Variants in DLC1 observed in about 807,000 individuals in gnomAD.
DLC1 encodes the protein DLC1 Rho GTPase activating protein.
Under a neutral mutation model 140.3 loss-of-function variants are expected in DLC1, and 54 were observed. The ratio of observed to expected loss-of-function variants is 0.38; its 90% CI spans 0.31 to 0.48. The LOEUF (loss-of-function observed/expected upper bound fraction) is 0.48, where lower values mean the gene tolerates loss of function less well. DLC1 is among the 20% of genes least tolerant of loss of function. The probability of loss-of-function intolerance (pLI) is 0.96; values close to 1 mark genes in which losing one functional copy is unlikely to be tolerated. For synonymous variants in DLC1, 986 were observed against 728.1 expected (o/e 1.35, Z -5.70); for missense variants, 2,536 against 1,907.0 (o/e 1.33, Z -6.14).
intron 5 of DLC1, among the ~76,000 whole-genome samples, chr8:13,183,634 G>A (rs965415031): frequency 2.0e-5 from 3 of 152,304 alleles, no homozygotes; most frequent in Admixed American, 6.5e-5. Context: ...ATTTGCGTAT[G>A]TTGAACCAGC....
chr8:13,158,588 A>T (rs867522783), intron 5 of DLC1, among the ~76,000 whole-genome samples: 1 of 152,150 alleles, frequency 6.6e-6, no homozygotes. Flanking sequence ...ATATCTGTGA[A>T]GCTTTCCCAT....
At chr8:13,277,028 A>G (rs1831200433) in intron 5 of DLC1, among the ~76,000 whole-genome samples, 1 of 152,180 alleles carries the variant, frequency 6.6e-6, no homozygotes, top group Non-Finnish European at 1.5e-5. Context: ...CCTCTAAGAA[A>G]TGGAGACCTG....
At chr8:13,130,387 C>T (rs115003785) in intron 5 of DLC1, among the ~76,000 whole-genome samples, 90 of 152,344 alleles carry the variant, frequency 5.9e-4, no homozygotes, top group African/African-American at 1.9e-3. Context: ...TGAATCACAA[C>T]ATGTCTTTCT....
At chr8:13,131,327 A>C (rs1822057780) in intron 5 of DLC1, among the ~76,000 whole-genome samples, 1 of 152,144 alleles carries the variant, frequency 6.6e-6, no homozygotes, top group African/African-American at 2.4e-5. Context: ...TCATCCCTTC[A>C]GCAAACAGAA....
At chr8:13,195,856 A>T (rs1827017658) in intron 5 of DLC1, among the ~76,000 whole-genome samples, 1 of 152,216 alleles carries the variant, frequency 6.6e-6, no homozygotes, top group Non-Finnish European at 1.5e-5. Flanking sequence ...CATTTAAAAA[A>T]ATGAGCAAGG....
intron 1 of DLC1, among the ~76,000 whole-genome samples, chr8:13,511,908 A>G (rs1181432178): frequency 6.6e-6 from 1 of 152,162 alleles, no homozygotes; most frequent in East Asian, 1.9e-4. Flanking sequence ...TTTTTGACCT[A>G]TTTTAAGCCT....
chr8:13,101,249 G>C lies in DLC1; in HGVS notation c.1567-479C>G, dbSNP rs959212036. ...TTTAAATAACAAAGATGTATTTAAA[G>C]AATTTAACAGGAGAGTGCCTGACCA... On this transcript the variant is annotated intron_variant, in intron 8 of 17. Transcript: ENST00000276297. 2.6e-5 allele frequency among the ~76,000 whole-genome samples: 4 copies of C among 152,142 alleles called. No homozygotes were observed. The South Asian group carries it at 6.2e-4, about 24-fold the overall frequency.
At chr8:13,144,816 C>T (rs1162399402) in intron 5 of DLC1, among the ~76,000 whole-genome samples, 1 of 152,174 alleles carries the variant, frequency 6.6e-6, no homozygotes, top group Non-Finnish European at 1.5e-5. Context: ...ATCTATTTAT[C>T]TGTCCTACTG....
At chr8:13,447,687 G>A (rs1229333050) in intron 2 of DLC1, among the ~76,000 whole-genome samples, 5 of 152,160 alleles carry the variant, frequency 3.3e-5, no homozygotes, top group African/African-American at 1.2e-4. Context: ...GGTAGGTGAA[G>A]ATTAAATGTA....
At chr8:13,425,791 T>C (rs1016931688) in intron 2 of DLC1, among the ~76,000 whole-genome samples, 1 of 152,200 alleles carries the variant, frequency 6.6e-6, no homozygotes, top group African/African-American at 2.4e-5. Context: ...TTTTTATTTT[T>C]GGGGTGATAG....
intron 2 of DLC1, among the ~76,000 whole-genome samples, chr8:13,412,482 C>T (rs539526077): frequency 6.6e-6 from 1 of 151,896 alleles, no homozygotes; most frequent in Non-Finnish European, 1.5e-5. Flanking sequence ...TGCTAGTAGC[C>T]AAAGAACTGG....
chr8:13,183,066 ACT>A (rs1253160657), intron 5 of DLC1, among the ~76,000 whole-genome samples: 1 of 151,798 alleles, frequency 6.6e-6, no homozygotes, highest in Admixed American at 6.6e-5. Flanking sequence ...TAGGTATTAT[ACT>A]CTCTTTGTAG....
intron 1 of DLC1, among the ~76,000 whole-genome samples, chr8:13,581,005 C>T (rs745891301): frequency 1.3e-5 from 2 of 152,150 alleles, no homozygotes; most frequent in Middle Eastern, 3.2e-3. Flanking sequence ...CAGCTTTCCC[C>T]CATGTAGGGC....
At chr8:13,107,763 A>AC (rs1819689921) in intron 7 of DLC1, among the ~76,000 whole-genome samples, 1 of 152,196 alleles carries the variant, frequency 6.6e-6, no homozygotes, top group Admixed American at 6.5e-5. Flanking sequence ...TTTTAAAGAA[A>AC]GTTGCTGGCT....
At chr8:13,301,262 T>G (rs1832180423) in intron 5 of DLC1, among the ~76,000 whole-genome samples, 1 of 152,056 alleles carries the variant, frequency 6.6e-6, no homozygotes, top group African/African-American at 2.4e-5. Context: ...TAAAATGTGA[T>G]CACCTCTGTC....
rs373400011 is a variant in DLC1 at position 13,304,280 on chromosome 8, T to G, written c.1348+989A>C. On this transcript the variant is annotated intron_variant, in intron 5 of 17. Coordinates refer to ENST00000276297, the MANE Select transcript of DLC1 (RefSeq NM_182643.3). The stretch of plus-strand genomic sequence containing the variant: ...TTGTTATGTTGTGTGATTTTTCTCT[T>G]GAGCTGACATATGATGCCAGTTCAA... Among the ~76,000 whole-genome samples the G allele has an allele frequency of 1.8e-4, 28 of 152,316 alleles. 1 individual carries two copies. Among genetic ancestry groups the G allele is most frequent in the African/African-American group, 6.7e-4 (28 of 41,578 alleles).
In DLC1 at chr8:13,293,649, T is replaced by C. The variant is rs553494707; in HGVS notation, c.1348+11620A>G. Among the ~76,000 whole-genome samples, 65 of 152,258 alleles carry C rather than the reference T, an allele frequency of 4.3e-4. No homozygotes were observed. In the South Asian group the frequency reaches 0.011, roughly 26 times the overall value. Reference sequence around the variant, plus strand: ...CTTTCAAGGAGCTCTTAGCCTGATATAGCATAAAATTCAAGAACAGAAATA... The same window carrying C: ...CTTTCAAGGAGCTCTTAGCCTGATACAGCATAAAATTCAAGAACAGAAATA... On this transcript the variant is annotated intron_variant, in intron 5 of 17. Transcript: ENST00000276297.
At chr8:13,232,253 T>C (rs1829080931) in intron 5 of DLC1, among the ~76,000 whole-genome samples, 1 of 152,202 alleles carries the variant, frequency 6.6e-6, no homozygotes, top group Non-Finnish European at 1.5e-5. Context: ...ATTCAGGTTT[T>C]CTTCCTCCAC....
chr8:13,393,933 A>G (rs990414654), intron 3 of DLC1, among the ~76,000 whole-genome samples: 5 of 152,220 alleles, frequency 3.3e-5, no homozygotes, highest in African/African-American at 1.2e-4. Context: ...TTGGTAATTT[A>G]ACAGCTGAGT....
Sources: gnomAD v4.1 joint callset for allele counts (sites outside exome capture counted in the v4.1 genomes callset) on GRCh38, gnomAD v4.1.1 for gene constraint, MANE v1.5 for transcripts, NCBI Gene and HGNC (gene_info 2026-07-23, HGNC 2026-07-21) for gene names.